Variants in DAB1 observed in about 807,000 individuals in gnomAD.
DAB1 encodes the protein DAB adaptor protein 1.
A neutral mutation model predicts 64.6 loss-of-function variants in DAB1; 15 were observed. That is an observed-to-expected ratio of 0.23 (90% CI 0.16 to 0.36). The LOEUF (loss-of-function observed/expected upper bound fraction) is 0.36. Among genes scored for constraint, DAB1 ranks in the 10% least tolerant of loss-of-function variants. The pLI is 1.00. For missense variants in DAB1, 596 were observed against 706.7 expected, an observed-to-expected ratio of 0.84 and a Z score of 1.78; for synonymous variants, 235 against 251.9, an observed-to-expected ratio of 0.93 and a Z score of 0.64.
chr1:57,826,453 A>C (rs1352893641), exon 2 of DAB1: 1 of 152,224 alleles, frequency 6.6e-6, no homozygotes, highest in Non-Finnish European at 1.5e-5. Context: ...CCTGACCTGA[A>C]TCCTGCAGGA....
chr1:57,371,417 G>A (rs2216808), intron 1 of DAB1, among the ~76,000 whole-genome samples: 57,457 of 152,022 alleles, frequency 0.38, 11,301 homozygotes, highest in Non-Finnish European at 0.42. Context: ...TGATCTGTGC[G>A]CATTACTATT....
At chr1:58,510,616 C>T (rs988344371) in intron 2 of DAB1, among the ~76,000 whole-genome samples, 2 of 151,922 alleles carry the variant, frequency 1.3e-5, no homozygotes, top group African/African-American at 4.8e-5. Flanking sequence ...ACTGGGAGTC[C>T]TAGCCAGGGC....
At chr1:57,972,511 G>C (rs1392750886) in intron 5 of DAB1, among the ~76,000 whole-genome samples, 1 of 152,188 alleles carries the variant, frequency 6.6e-6, no homozygotes, top group Non-Finnish European at 1.5e-5. Context: ...CCCAAGTGCT[G>C]GGATTATTCC....
rs1026373214 is a variant in DAB1, at chr1:58,082,814, G to T, written n.387+67697C>A. Reference sequence around the variant, plus strand: ...CAGGACACAGCAGACAGGTGGGGGGGAGGGGTGGCCACCAGGAGTTTGGAC... The same window carrying T: ...CAGGACACAGCAGACAGGTGGGGGGTAGGGGTGGCCACCAGGAGTTTGGAC... On this transcript the variant is annotated intron_variant and non_coding_transcript_variant, in intron 5 of 20. Transcript: ENST00000485760. Among the ~76,000 whole-genome samples the T allele has an allele frequency of 5.9e-5, 9 of 152,228 alleles. No homozygotes were observed. The South Asian group carries it at 1.2e-3, about 21-fold the overall frequency.
In DAB1 at chr1:57,622,017, ATG is replaced by A. The variant is rs1370500264; in HGVS notation, n.625+27573_625+27574del. ...TGCAGTAGCTTAAATGTGTGATGCA[ATG>A]TGTGATAAGAAACAGGAGAGGTGGG... On this transcript the variant is annotated intron_variant and non_coding_transcript_variant, in intron 7 of 20. Transcript: ENST00000485760. Among the ~76,000 whole-genome samples the A allele has an allele frequency of 2.6e-5, 4 of 152,320 alleles. No homozygotes were observed. In the South Asian group the frequency reaches 6.2e-4, roughly 24 times the overall value.
At chr1:58,099,330 G>A (rs1651176285) in intron 5 of DAB1, among the ~76,000 whole-genome samples, 1 of 152,202 alleles carries the variant, frequency 6.6e-6, no homozygotes, top group African/African-American at 2.4e-5. Flanking sequence ...CTGGTTGTAA[G>A]ATAACAAGCA....
chr1:58,010,225 C>T (rs1259644756), intron 5 of DAB1, among the ~76,000 whole-genome samples: 1 of 152,144 alleles, frequency 6.6e-6, no homozygotes, highest in Non-Finnish European at 1.5e-5. Flanking sequence ...CGATTATTCC[C>T]ACCTTAGAGA....
At chr1:57,547,204 C>G (rs1313900343) in intron 7 of DAB1, among the ~76,000 whole-genome samples, 1 of 152,090 alleles carries the variant, frequency 6.6e-6, no homozygotes, top group African/African-American at 2.4e-5. Context: ...GTGACCACAG[C>G]TGAAAGGCAT....
At chr1:57,947,201 A>G (rs896782396) in intron 5 of DAB1, among the ~76,000 whole-genome samples, 1 of 152,248 alleles carries the variant, frequency 6.6e-6, no homozygotes, top group Non-Finnish European at 1.5e-5. Flanking sequence ...ACTGGAGTCA[A>G]AATTTGAGCC....
At chr1:57,289,361 G>A (rs1672583404) in intron 2 of DAB1, among the ~76,000 whole-genome samples, 1 of 152,186 alleles carries the variant, frequency 6.6e-6, no homozygotes, top group South Asian at 2.1e-4. Context: ...CACTGAAAAA[G>A]CATTTGAATT....
intron 5 of DAB1, among the ~76,000 whole-genome samples, chr1:58,135,868 C>G (rs571430126): frequency 1.3e-5 from 2 of 152,236 alleles, no homozygotes; most frequent in African/African-American, 4.8e-5. Flanking sequence ...GGGATTGTGA[C>G]TTGTAGTCAG....
chr1:57,711,022 A>G (rs780216823), intron 6 of DAB1, among the ~76,000 whole-genome samples: 1 of 152,172 alleles, frequency 6.6e-6, no homozygotes, highest in Non-Finnish European at 1.5e-5. Context: ...CCAATCTTAG[A>G]TTCTACAATA....
chr1:58,049,169 C>A, intron 5 of DAB1: 1 of 778,306 alleles, frequency 1.3e-6, no homozygotes, highest in Non-Finnish European at 2.3e-6. Flanking sequence ...CCACACAGTC[C>A]GTGAGCGTTC....
chr1:58,256,514 G>A (rs1660933048), intron 4 of DAB1, among the ~76,000 whole-genome samples: 1 of 152,214 alleles, frequency 6.6e-6, no homozygotes, highest in Non-Finnish European at 1.5e-5. Context: ...ATGTTAAATT[G>A]TGGAGATTTA....
At chr1:58,163,180 G>A (rs1234368399) in intron 4 of DAB1, among the ~76,000 whole-genome samples, 4 of 152,214 alleles carry the variant, frequency 2.6e-5, no homozygotes, top group Non-Finnish European at 4.4e-5. Flanking sequence ...CAGAGCCTAA[G>A]AGGGAGCCAG....
intron 4 of DAB1, among the ~76,000 whole-genome samples, chr1:57,097,311 C>T (rs1654251598): frequency 6.6e-6 from 1 of 152,166 alleles, no homozygotes; most frequent in Admixed American, 6.5e-5. Flanking sequence ...ATTCAAGCTA[C>T]AGGTACCATC....
At position 57,015,232 on chromosome 1, in the gene DAB1, G is replaced by T; in HGVS notation, c.1095C>A (p.Ala365=). 1.9e-6 allele frequency: 3 copies of T among 1,614,130 alleles called. No homozygotes were observed. The highest frequency in any genetic ancestry group is 2.5e-6 in the Non-Finnish European group (3 of 1,180,028). ...PTVAGQFPPA[A]FMPTQTVMPL... ...GCATAACAGTTTGTGTGGGCATGAA[G>T]GCGGCTGGCGGAAACTGCCCGGCCA... Residue 365 remains alanine, a synonymous_variant, in exon 12 of 15, where the codon GCC becomes GCA. Transcript: ENST00000371236.
At chr1:58,354,733 G>C (rs540664236) in intron 3 of DAB1, among the ~76,000 whole-genome samples, 59 of 152,260 alleles carry the variant, frequency 3.9e-4, no homozygotes, top group African/African-American at 1.3e-3. Context: ...GATTGTGCTA[G>C]AGTCCATAGC....
intron 3 of DAB1, among the ~76,000 whole-genome samples, chr1:58,347,466 G>A (rs1027159872): frequency 3.3e-5 from 5 of 152,154 alleles, no homozygotes; most frequent in Non-Finnish European, 5.9e-5. Flanking sequence ...GACCTTGGTG[G>A]GAGATTGTCA....
Sources: allele counts gnomAD v4.1 joint callset (sites outside exome capture counted in the v4.1 genomes callset), GRCh38; gene constraint gnomAD v4.1.1; transcripts MANE v1.5; gene names NCBI Gene and HGNC (gene_info 2026-07-23, HGNC 2026-07-21).